The following STAU2 variants were observed in gnomAD, a reference collection of about 807,000 sequenced individuals.
The protein encoded by STAU2 is staufen double-stranded RNA binding protein 2.
In STAU2, 20 loss-of-function variants were observed where a neutral mutation model predicts 65.9. That is an observed-to-expected ratio of 0.30 (90% confidence interval 0.21 to 0.44). The LOEUF is 0.44. STAU2 is among the 20% of genes least tolerant of loss of function. STAU2 has a pLI of 1.00. For missense variants in STAU2, 558 were observed against 683.9 expected (o/e 0.82, Z 2.05); for synonymous variants, 232 against 233.9 (o/e 0.99, Z 0.07).
upstream of STAU2, chr8:73,746,962 G>T: frequency 4.0e-6 from 3 of 750,754 alleles, no homozygotes; most frequent in Non-Finnish European, 4.8e-6. Context: ...GCGCGCCCCC[G>T]CCTGCGCAGC....
chr8:73,560,484 T>G (rs766943686), intron 12 of STAU2, among the ~76,000 whole-genome samples: 10 of 152,200 alleles, frequency 6.6e-5, no homozygotes, highest in Non-Finnish European at 1.3e-4. Flanking sequence ...TTTTATTAAT[T>G]TGTGCATTTT....
chr8:73,464,766 T>C (rs962064424), intron 13 of STAU2, among the ~76,000 whole-genome samples: 14 of 152,226 alleles, frequency 9.2e-5, no homozygotes, highest in African/African-American at 3.4e-4. Flanking sequence ...AAATTGAATA[T>C]AGCTTGTAAT....
upstream of STAU2, chr8:73,747,446 G>A (rs1338549735): frequency 3.3e-6 from 5 of 1,534,418 alleles, no homozygotes; most frequent in African/African-American, 1.4e-5. Context: ...ACCATCCCGC[G>A]TCTGCTCCGG....
At chr8:73,445,301 C>CT (rs2128892424) in intron 13 of STAU2, among the ~76,000 whole-genome samples, 1 of 152,188 alleles carries the variant, frequency 6.6e-6, no homozygotes, top group African/African-American at 2.4e-5. Flanking sequence ...AGGATGAATC[C>CT]TAAGGAAGAG....
At chr8:73,667,237 TCAA>T (rs1306818954) in intron 6 of STAU2, among the ~76,000 whole-genome samples, 1 of 152,094 alleles carries the variant, frequency 6.6e-6, no homozygotes, top group African/African-American at 2.4e-5. Context: ...CTTTATCCCT[TCAA>T]GTTTTAGGAA....
chr8:73,539,780 C>T (rs1806412542), intron 13 of STAU2, among the ~76,000 whole-genome samples: 1 of 150,986 alleles, frequency 6.6e-6, no homozygotes, highest in South Asian at 2.1e-4. Flanking sequence ...GAGGCGGAGG[C>T]TGCAGTGGGC....
chr8:73,469,328 A>G (rs1445182639), intron 13 of STAU2, among the ~76,000 whole-genome samples: 1 of 152,098 alleles, frequency 6.6e-6, no homozygotes, highest in African/African-American at 2.4e-5. Context: ...GTGGGGAGGG[A>G]TAGCATTAGG....
intron 13 of STAU2, among the ~76,000 whole-genome samples, chr8:73,540,998 CA>C (rs2128937603): frequency 6.6e-6 from 1 of 152,264 alleles, no homozygotes; most frequent in East Asian, 1.9e-4. Context: ...ATCTTTTACC[CA>C]AATTCCAGCT....
At chr8:73,459,830 T>C (rs762516778) in intron 13 of STAU2, among the ~76,000 whole-genome samples, 11 of 152,226 alleles carry the variant, frequency 7.2e-5, no homozygotes, top group Non-Finnish European at 1.3e-4. Flanking sequence ...GGAATACTTG[T>C]CCTTGGTTCC....
At chr8:73,467,855 A>G (rs1000757269) in intron 13 of STAU2, among the ~76,000 whole-genome samples, 3 of 152,228 alleles carry the variant, frequency 2.0e-5, no homozygotes, top group East Asian at 1.9e-4. Context: ...GGAAGAATCA[A>G]TATCATGAAA....
At chr8:73,703,518 T>C (rs1820273299) in intron 4 of STAU2, among the ~76,000 whole-genome samples, 1 of 152,206 alleles carries the variant, frequency 6.6e-6, no homozygotes, top group South Asian at 2.1e-4. Context: ...ATGTTCAAAT[T>C]AGCTTTATTA....
At chr8:73,446,649 A>T (rs1367916517) in intron 13 of STAU2, among the ~76,000 whole-genome samples, 2 of 152,078 alleles carry the variant, frequency 1.3e-5, no homozygotes, top group African/African-American at 4.8e-5. Context: ...ATTTAATTTA[A>T]TTTTTTTTAA....
At chr8:73,658,039 T>C (rs577131355) in intron 6 of STAU2, among the ~76,000 whole-genome samples, 148 of 149,112 alleles carry the variant, frequency 9.9e-4, no homozygotes, top group African/African-American at 3.3e-3. Context: ...AAAGGCACAA[T>C]AGTCACACTC....
chr8:73,508,903 T>C (rs941688538), intron 13 of STAU2, among the ~76,000 whole-genome samples: 2 of 152,230 alleles, frequency 1.3e-5, no homozygotes, highest in Non-Finnish European at 2.9e-5. Flanking sequence ...CATTAACCAG[T>C]TGATGGACAT....
chr8:73,595,331 C>T, intron 10 of STAU2, 34 bp from the exon 11 acceptor site: 2 of 1,541,038 alleles, frequency 1.3e-6, no homozygotes, highest in South Asian at 1.3e-5. Context: ...TAAAGAAATA[C>T]ATTTATGATA....
chr8:73,474,730 T>C (rs1351624625), intron 13 of STAU2, among the ~76,000 whole-genome samples: 1 of 152,224 alleles, frequency 6.6e-6, no homozygotes, highest in Non-Finnish European at 1.5e-5. Context: ...TTTTATTTAA[T>C]GTTCCAACAG....
chr8:73,642,417 C>A (rs980565925), intron 6 of STAU2, among the ~76,000 whole-genome samples: 2 of 151,946 alleles, frequency 1.3e-5, no homozygotes, highest in Non-Finnish European at 2.9e-5. Context: ...CAGCTACTCA[C>A]GAGGCTGAGG....
At chr8:73,471,816 C>CT (rs1820040190) in intron 13 of STAU2, among the ~76,000 whole-genome samples, 1 of 15,252 alleles carries the variant, frequency 6.6e-5, no homozygotes, top group African/African-American at 2.0e-4. Context: ...GAGACTCCAA[C>CT]TAAAAAAAAA....
chr8:73,438,374 A>C (rs1429620536), intron 13 of STAU2, among the ~76,000 whole-genome samples: 1 of 152,220 alleles, frequency 6.6e-6, no homozygotes. Context: ...AAGGACATAC[A>C]GCAATGACAC....
Sources: allele counts gnomAD v4.1 joint callset (sites outside exome capture counted in the v4.1 genomes callset), GRCh38; gene constraint gnomAD v4.1.1; transcripts MANE v1.5; gene names NCBI Gene and HGNC (gene_info 2026-07-23, HGNC 2026-07-21).